Variants in ST14 observed in about 807,000 individuals in gnomAD.
The protein encoded by ST14 is suppressor of tumorigenicity 14 protein.
Under a neutral mutation model 96.5 loss-of-function variants are expected in ST14, and 40 were observed. That is an observed-to-expected ratio of 0.41 (90% CI 0.32 to 0.54). The LOEUF (loss-of-function observed/expected upper bound fraction) is 0.54, where lower values mean the gene tolerates loss of function less well. Among genes scored for constraint, ST14 ranks in the 20% least tolerant of loss-of-function variants. ST14 has a pLI of 0.17. For missense variants in ST14, 1,066 were observed against 1,188.9 expected (o/e 0.90, Z 1.52); for synonymous variants, 506 against 492.1 (o/e 1.03, Z -0.37).
At chr11:130,199,619 A>G (rs1265476917) in intron 15 of ST14, among the ~76,000 whole-genome samples, 2 of 152,086 alleles carry the variant, frequency 1.3e-5, no homozygotes, top group South Asian at 2.1e-4. Context: ...TGATGTCCCA[A>G]ATGATGTCAA....
At chr11:130,167,411 G>C (rs957843218) in intron 1 of ST14, among the ~76,000 whole-genome samples, 1 of 152,072 alleles carries the variant, frequency 6.6e-6, no homozygotes, top group Non-Finnish European at 1.5e-5. Context: ...CCAGATTTTA[G>C]AGCCTCTATA....
At chr11:130,172,688 A>T (rs951672213) in intron 1 of ST14, among the ~76,000 whole-genome samples, 1 of 152,042 alleles carries the variant, frequency 6.6e-6, no homozygotes, top group African/African-American at 2.4e-5. Context: ...AAGTGCTGGG[A>T]CTACAGGCGT....
In ST14 at chr11:130,187,170, C is replaced by T. The variant is rs1226713287; in HGVS notation, c.82-944C>T. ...ATGGGCTGTTGCTTTTGTTGTGAGC[C>T]GTATTGAGTGGGCGTGAGGTAGTTA... On this transcript the variant is annotated intron_variant, in intron 1 of 18. Coordinates refer to ENST00000278742, the MANE Select transcript of ST14 (RefSeq NM_021978.4). The surrounding 1 kb of genome is among the most constrained non-coding windows in gnomAD (Gnocchi z 4.5). Among the ~76,000 whole-genome samples the T allele has an allele frequency of 2.6e-5, 4 of 152,084 alleles. No individual in the cohort carries two copies. Among genetic ancestry groups the T allele is most frequent in the Non-Finnish European group, 4.4e-5 (3 of 68,024 alleles).
chr11:130,196,344 C>T lies in ST14; in HGVS notation c.1119C>T (p.Pro373=). 2 of 1,589,090 alleles carry T rather than the reference C, an allele frequency of 1.3e-6. No individual in the cohort carries two copies. Among genetic ancestry groups the T allele is most frequent in the Non-Finnish European group, 1.7e-6 (2 of 1,167,736 alleles). Residue 373 remains proline (P), a synonymous_variant, in exon 10 of 19, where the codon CCC becomes CCT. Transcript: ENST00000278742. ...AGCAGCCTCTCTTCCCTCAGGTGCC[C>T]AACAACCAGCATGTGAAGGTGCGCT... ...NIDCTWNIEV[P]NNQHVKVRFK...
intron 11 of ST14, 97 bp from the exon 12 acceptor site, chr11:130,197,744 T>G: frequency 7.9e-6 from 8 of 1,018,924 alleles, no homozygotes; most frequent in Non-Finnish European, 1.2e-5. Context: ...TGCTCCTGTG[T>G]GTTTGTGGCT....
chr11:130,189,881 T>C lies in ST14; in HGVS notation c.583T>C (p.Ser195Pro). The change falls in exon 5 of 19, where the codon TCA becomes CCA. Residue 195 changes from serine to proline, a missense_variant. Coordinates refer to ENST00000278742, the MANE Select transcript of ST14 (RefSeq NM_021978.4). ...ARSLKSFVVT[S>P]VVAFPTDSKT... ...CTCCCTGAAGTCCTTTGTGGTCACC[T>C]CAGTGGTGGCTTTCCGTGAGTCCGA... is the stretch of plus-strand genomic sequence containing the variant. 1 of 1,613,732 alleles carries C rather than the reference T, an allele frequency of 6.2e-7. No homozygotes were observed. The highest frequency in any genetic ancestry group is 8.5e-7 in the Non-Finnish European group (1 of 1,179,928).
intron 1 of ST14, among the ~76,000 whole-genome samples, chr11:130,163,619 G>A (rs1953016088): frequency 6.6e-6 from 1 of 152,190 alleles, no homozygotes; most frequent in Admixed American, 6.5e-5. Context: ...TGCAGTGGGT[G>A]AGGAAGAGGG....
chr11:130,163,020 G>A (rs2136200024), intron 1 of ST14, among the ~76,000 whole-genome samples: 1 of 152,302 alleles, frequency 6.6e-6, no homozygotes, highest in East Asian at 1.9e-4. Flanking sequence ...AGGATTAAGA[G>A]GGGTACTTTA....
At chr11:130,205,339 C>T (rs964303788) in intron 16 of ST14, among the ~76,000 whole-genome samples, 6 of 152,120 alleles carry the variant, frequency 3.9e-5, no homozygotes, top group African/African-American at 1.2e-4. Context: ...TGGTGGCCTG[C>T]CTGGTCTCGA....
At chr11:130,194,873 T>TGC in intron 9 of ST14, 136 bp downstream of exon 9, 1 of 817,184 alleles carries the variant, frequency 1.2e-6, no homozygotes, top group Non-Finnish European at 2.0e-6. Flanking sequence ...TGTGTGTGTG[T>TGC]GTGCGTATGT....
At chr11:130,185,244 A>T (rs146827758) in intron 1 of ST14, among the ~76,000 whole-genome samples, 114 of 152,356 alleles carry the variant, frequency 7.5e-4, no homozygotes, top group African/African-American at 2.6e-3. Flanking sequence ...AGAAATTAAA[A>T]TTTTGATACC....
chr11:130,208,359 T>C, intron 16 of ST14, 51 bp from the exon 17 acceptor site: 1 of 1,613,166 alleles, frequency 6.2e-7, no homozygotes, highest in Non-Finnish European at 8.5e-7. Flanking sequence ...CGCGAGGCCG[T>C]GTGCACAGAC....
In ST14 at chr11:130,194,202, A is replaced by G. The variant is rs1157534445; in HGVS notation, c.929A>G (p.Asn310Ser). The G allele has an allele frequency of 1.2e-6, 2 of 1,614,182 alleles. No homozygotes were observed. Among genetic ancestry groups the G allele is most frequent in the Admixed American group, 3.3e-5 (2 of 60,024 alleles). ...AACCTGACCTTCCACTCCTCCCAGA[A>G]CGTCCTGCTCATCACACTGATAACC... ...SYNLTFHSSQ[N>S]VLLITLITNT... Residue 310 changes from asparagine (N) to serine (S), a missense_variant, in exon 8 of 19, where the codon AAC becomes AGC. By Grantham distance (46) the Asn-to-Ser change is conservative. Transcript: ENST00000278742.
Position 130,210,122 on chromosome 11 carries a change from C to G in ST14, c.*299C>G, listed in dbSNP as rs704624. On this transcript the variant is annotated 3_prime_UTR_variant, in exon 19 of 19. Coordinates refer to ENST00000278742, the MANE Select transcript of ST14 (RefSeq NM_021978.4). ...CAAGCTGGGCCGAGGCGCGTTTGTG[C>G]ATATCTGCCTCCCCTGTCTCTAAGG... 1.5e-5 allele frequency: 6 copies of G among 394,186 alleles called. No homozygotes were observed. Among genetic ancestry groups the G allele is most frequent in the Non-Finnish European group, 2.3e-5 (5 of 213,286 alleles). The allele number at this position is 394,186 out of a possible 1,614,324, so 24.4% of individuals were successfully genotyped here. A position where few individuals can be genotyped will look rare whatever the true frequency, so the allele number is the denominator to read the frequency against.
chr11:130,198,187 G>A, intron 12 of ST14, 121 bp from the exon 13 acceptor site: 1 of 1,024,470 alleles, frequency 9.8e-7, no homozygotes, highest in South Asian at 1.3e-5. Context: ...GTGGAGCAGG[G>A]CCCCTTGGGC....
At chr11:130,195,746 G>A (rs903144142) in intron 9 of ST14, among the ~76,000 whole-genome samples, 12 of 151,876 alleles carry the variant, frequency 7.9e-5, no homozygotes, top group African/African-American at 1.7e-4. Context: ...CCAGCTGCTC[G>A]GGAGACTGAG....
At chr11:130,206,487 A>C (rs1482636985) in intron 16 of ST14, among the ~76,000 whole-genome samples, 1 of 151,812 alleles carries the variant, frequency 6.6e-6, no homozygotes, top group Non-Finnish European at 1.5e-5. Flanking sequence ...GGCAGGCGCG[A>C]ATGTGGTTCC....
intron 16 of ST14, among the ~76,000 whole-genome samples, chr11:130,205,974 G>T (rs529219246): frequency 6.6e-6 from 1 of 152,132 alleles, no homozygotes; most frequent in Admixed American, 6.5e-5. Flanking sequence ...TAGGATTACA[G>T]GCGTGAGCCA....
In ST14 at chr11:130,188,548, A is replaced by G. The variant is rs1953262052; in HGVS notation, c.260A>G (p.Gln87Arg). 6.2e-7 allele frequency: 1 copy of G among 1,614,158 alleles called. No homozygotes were observed. Among genetic ancestry groups the G allele is most frequent in the Non-Finnish European group, 8.5e-7 (1 of 1,180,034 alleles). ...CACACAGACCGGGACGTGCGTGTCC[A>G]GAAGGTCTTCAATGGCTACATGAGG... ...WHLQYRDVRV[Q>R]KVFNGYMRIT... The change falls in exon 3 of 19, where the codon CAG (glutamine) becomes CGG (arginine). Residue 87 changes from glutamine (Q) to arginine (R), a missense_variant. Gln to Arg is a conservative substitution (Grantham distance 43). Transcript: ENST00000278742. This position sits in a 1 kb window ranked among gnomAD's most constrained non-coding sequence, Gnocchi z 5.4.
Sources: gnomAD v4.1 joint callset for allele counts (sites outside exome capture counted in the v4.1 genomes callset) on GRCh38, gnomAD v4.1.1 for gene constraint, Gnocchi (gnomAD v3.1) non-coding constraint, MANE v1.5 for transcripts, NCBI Gene and HGNC (gene_info 2026-07-23, HGNC 2026-07-21) for gene names.